The following ITGB5 variants were observed in gnomAD, a reference collection of about 807,000 sequenced individuals.
ITGB5 encodes integrin subunit beta 5.
A neutral mutation model predicts 84.8 loss-of-function variants in ITGB5; 38 were observed. The ratio of observed to expected loss-of-function variants is 0.45; its 90% CI spans 0.35 to 0.59. The LOEUF is 0.59. Among genes scored for constraint, ITGB5 ranks in the 20% least tolerant of loss-of-function variants. The probability of loss-of-function intolerance (pLI) is 0.01; values close to 1 mark genes in which losing one functional copy is unlikely to be tolerated. For missense variants in ITGB5, 905 were observed against 1,034.5 expected, an observed-to-expected ratio of 0.87 and a Z score of 1.72; for synonymous variants, 393 against 414.4, an observed-to-expected ratio of 0.95 and a Z score of 0.63.
intron 8 of ITGB5, among the ~76,000 whole-genome samples, chr3:124,817,401 A>T (rs2064619907): frequency 6.6e-6 from 1 of 152,204 alleles, no homozygotes; most frequent in Non-Finnish European, 1.5e-5. Context: ...GATGAGAGTC[A>T]AGATGGCAGA....
chr3:124,829,798 A>G (rs1432658920), intron 5 of ITGB5, among the ~76,000 whole-genome samples: 1 of 152,140 alleles, frequency 6.6e-6, no homozygotes, highest in Non-Finnish European at 1.5e-5. Flanking sequence ...AAATATGTTC[A>G]TGGCCCACTA....
chr3:124,854,197 G>T (rs1336750728), intron 3 of ITGB5, among the ~76,000 whole-genome samples: 1 of 152,098 alleles, frequency 6.6e-6, no homozygotes, highest in Non-Finnish European at 1.5e-5. Flanking sequence ...ATTACCATAT[G>T]ACCCAGCAAT....
chr3:124,810,424 G>A (rs2064481000), intron 8 of ITGB5, among the ~76,000 whole-genome samples: 1 of 152,108 alleles, frequency 6.6e-6, no homozygotes, highest in African/African-American at 2.4e-5. Flanking sequence ...TGTGAAAAGT[G>A]TGTGAAATTT....
rs1292789725 is a variant in ITGB5, at chr3:124,827,082, T to C, written c.781-5608A>G. Among the ~76,000 whole-genome samples, 2 of 151,806 alleles carry C rather than the reference T, an allele frequency of 1.3e-5. 1 individual carries two copies. The highest frequency in any genetic ancestry group is 3.9e-4 in the East Asian group (2 of 5,156). ...CCACGTTTGGGGAAGGAAGCAAAAG[T>C]GGGAAAGTGGATTGAAACACAAAAC... On this transcript the variant is annotated intron_variant, in intron 5 of 14. Coordinates refer to ENST00000296181, the MANE Select transcript of ITGB5 (RefSeq NM_002213.5).
intron 10 of ITGB5, among the ~76,000 whole-genome samples, chr3:124,786,864 T>A (rs551917549): frequency 2.0e-4 from 30 of 152,274 alleles, no homozygotes; most frequent in African/African-American, 7.2e-4. Context: ...AAACTCAAAG[T>A]GTCAGCTCAA....
intron 10 of ITGB5, among the ~76,000 whole-genome samples, chr3:124,774,543 C>T (rs1351331534): frequency 6.6e-6 from 1 of 152,108 alleles, no homozygotes; most frequent in African/African-American, 2.4e-5. Context: ...TCCCTGGGAG[C>T]CTCAGAGGGA....
intron 11 of ITGB5, chr3:124,769,763 T>G (rs2035265): frequency 0.28 from 42,964 of 152,162 alleles, 6,951 homozygotes; most frequent in African/African-American, 0.41. Flanking sequence ...AGGTCCCCCG[T>G]GGCCTGCTGC....
At chr3:124,790,939 A>G (rs1461403400) in intron 10 of ITGB5, among the ~76,000 whole-genome samples, 1 of 152,192 alleles carries the variant, frequency 6.6e-6, no homozygotes, top group Admixed American at 6.5e-5. Flanking sequence ...TGTGGAATCC[A>G]AGAATGAGGC....
chr3:124,777,685 G>T (rs1405241849), intron 10 of ITGB5, among the ~76,000 whole-genome samples: 3 of 152,228 alleles, frequency 2.0e-5, no homozygotes, highest in African/African-American at 4.8e-5. Flanking sequence ...CTCCAAGTAG[G>T]TTCTACCAAG....
intron 6 of ITGB5, among the ~76,000 whole-genome samples, chr3:124,820,165 T>C (rs1197013477): frequency 6.6e-6 from 1 of 152,178 alleles, no homozygotes; most frequent in African/African-American, 2.4e-5. Flanking sequence ...GGGGACGCCC[T>C]AGAGAACAGC....
At chr3:124,873,680 G>C (rs563819721) in intron 1 of ITGB5, 149 bp from the exon 2 acceptor site, 1 of 713,554 alleles carries the variant, frequency 1.4e-6, no homozygotes, top group Non-Finnish European at 2.5e-6. Flanking sequence ...GCAGGTTAAG[G>C]CTCATTTGCT....
At position 124,782,496 on chromosome 3, in the gene ITGB5, T is replaced by A. The variant is rs148337750; in HGVS notation, c.1694-8584A>T. Among the ~76,000 whole-genome samples, 1,397 of 152,302 alleles carry A rather than the reference T, an allele frequency of 9.2e-3. 15 individuals are homozygous for A. The highest frequency in any genetic ancestry group is 0.016 in the Non-Finnish European group (1,077 of 68,028). ...GTGGAGTCACAGGACTGAATCCAAATTAGACTGAGTTAAGGACTGAGAGGG... is the reference window on the plus strand; with the variant it reads ...GTGGAGTCACAGGACTGAATCCAAAATAGACTGAGTTAAGGACTGAGAGGG... On this transcript the variant is annotated intron_variant, in intron 10 of 14. Transcript: ENST00000296181.
intron 5 of ITGB5, among the ~76,000 whole-genome samples, chr3:124,834,532 A>G (rs564078269): frequency 1.4e-4 from 7 of 51,838 alleles, no homozygotes; most frequent in African/African-American, 2.5e-4. Flanking sequence ...GGAGGCGAGG[A>G]AGGGGAGGGA....
At chr3:124,867,735 A>T (rs571430082) in intron 2 of ITGB5, among the ~76,000 whole-genome samples, 86 of 152,188 alleles carry the variant, frequency 5.7e-4, no homozygotes, top group African/African-American at 2.0e-3. Context: ...GCATCCGCAC[A>T]CTCTCCTCCA....
At chr3:124,849,492 G>A (rs1207638353) in intron 3 of ITGB5, among the ~76,000 whole-genome samples, 1 of 152,086 alleles carries the variant, frequency 6.6e-6, no homozygotes, top group African/African-American at 2.4e-5. Context: ...ATTTATTTGG[G>A]GGGCATATTT....
chr3:124,846,264 G>A (rs1052854347), intron 4 of ITGB5, among the ~76,000 whole-genome samples: 33 of 152,078 alleles, frequency 2.2e-4, no homozygotes, highest in Non-Finnish European at 4.0e-4. Flanking sequence ...TTGTGGAGAG[G>A]GGAGGGCTCA....
chr3:124,846,837 G>T (rs1379434162), intron 4 of ITGB5, among the ~76,000 whole-genome samples: 1 of 152,152 alleles, frequency 6.6e-6, no homozygotes, highest in African/African-American at 2.4e-5. Context: ...AGGAGACTGG[G>T]GCAGGAGAAT....
chr3:124,764,209 C>G (rs10934691), intron 14 of ITGB5, among the ~76,000 whole-genome samples, 182 bp downstream of exon 14: 33,963 of 152,212 alleles, frequency 0.22, 3,877 homozygotes, highest in African/African-American at 0.28. Context: ...ATCTGTGCAG[C>G]TCACTCTGCA....
chr3:124,778,228 GTTA>G (rs973142167), intron 10 of ITGB5, among the ~76,000 whole-genome samples: 4 of 152,230 alleles, frequency 2.6e-5, no homozygotes, highest in Non-Finnish European at 4.4e-5. Context: ...CATGCAAGTT[GTTA>G]TTATTAGTAC....
Sources: allele counts gnomAD v4.1 joint callset (sites outside exome capture counted in the v4.1 genomes callset), GRCh38; gene constraint gnomAD v4.1.1; transcripts MANE v1.5; gene names NCBI Gene and HGNC (gene_info 2026-07-23, HGNC 2026-07-21).